The following CLEC1A variants were observed in gnomAD, a reference collection of about 807,000 sequenced individuals.
CLEC1A encodes C-type lectin-like receptor-1.
In CLEC1A, 34 loss-of-function variants were observed where a neutral mutation model predicts 28.7. The ratio of observed to expected loss-of-function variants is 1.18; its 90% CI spans 0.90 to 1.57. The LOEUF (loss-of-function observed/expected upper bound fraction) is 1.57. Among genes scored for constraint, CLEC1A ranks in the 40% most tolerant of loss-of-function variants. CLEC1A has a pLI of 0.00. For synonymous variants in CLEC1A, 116 were observed against 121.0 expected, an observed-to-expected ratio of 0.96 and a Z score of 0.27; for missense variants, 385 against 339.5, an observed-to-expected ratio of 1.13 and a Z score of -1.05.
intron 3 of CLEC1A, among the ~76,000 whole-genome samples, chr12:10,079,589 G>A (rs1866323819): frequency 6.6e-6 from 1 of 152,032 alleles, no homozygotes; most frequent in Non-Finnish European, 1.5e-5. Context: ...GGGAGGCTGA[G>A]GCGGGCAGAT....
chr12:10,075,336 T>G (rs1460589465), intron 4 of CLEC1A, among the ~76,000 whole-genome samples, 168 bp downstream of exon 4: 1 of 152,198 alleles, frequency 6.6e-6, no homozygotes, highest in Non-Finnish European at 1.5e-5. Flanking sequence ...ACTCCTTCTA[T>G]CTACTTCAGG....
At chr12:10,076,411 G>A (rs1020932746) in intron 3 of CLEC1A, among the ~76,000 whole-genome samples, 1 of 152,010 alleles carries the variant, frequency 6.6e-6, no homozygotes, top group African/African-American at 2.4e-5. Flanking sequence ...CTAATACACA[G>A]GTAGGTGTTA....
intron 3 of CLEC1A, among the ~76,000 whole-genome samples, chr12:10,075,994 A>G (rs374886332): frequency 2.0e-5 from 3 of 152,210 alleles, no homozygotes; most frequent in South Asian, 2.1e-4. Context: ...AGAAACTCCA[A>G]CTGCATTGTG....
Position 10,069,729 on chromosome 12 carries a change from A to G in CLEC1A, c.*1604T>C, listed in dbSNP as rs2137320823. ...TAACCACAAATACAGTTTTCTTTGC[A>G]TGACACAATATATCAACAGAACTTG... On this transcript the variant is annotated 3_prime_UTR_variant, in exon 6 of 6. Coordinates refer to ENST00000315330, the MANE Select transcript of CLEC1A (RefSeq NM_016511.4). The G allele has an allele frequency of 6.6e-6, 1 of 152,362 alleles. No homozygotes were observed. Among genetic ancestry groups the G allele is most frequent in the East Asian group, 1.9e-4 (1 of 5,196 alleles). The allele number at this position is 152,362 out of a possible 1,614,324, so 9.4% of individuals were successfully genotyped here.
rs770900062 is a variant in CLEC1A at position 10,081,270 on chromosome 12, T to A, written c.358A>T (p.Lys120Ter). The A allele has an allele frequency of 1.2e-6, 2 of 1,610,598 alleles. No individual in the cohort carries two copies. The highest frequency in any genetic ancestry group is 3.4e-5 in the Admixed American group (2 of 59,600). The part of the protein sequence containing the change: ...LAGSLQHVAE[K>*]LCRELYNKAG... ...TTGTTATACAGCTCACGACAGAGTTTTTCAGCCACATGCTGCAGACTTCCT... is the reference window on the plus strand; with the variant it reads ...TTGTTATACAGCTCACGACAGAGTTATTCAGCCACATGCTGCAGACTTCCT... Residue 120 changes from lysine to a stop codon, truncating the protein, a stop_gained, in exon 3 of 6, where the codon AAA (lysine) becomes TAA (stop). Transcript: ENST00000315330. LOFTEE classifies it high-confidence loss of function.
chr12:10,088,226 G>A (rs1005370743), intron 2 of CLEC1A, among the ~76,000 whole-genome samples: 2 of 152,212 alleles, frequency 1.3e-5, no homozygotes, highest in Non-Finnish European at 2.9e-5. Context: ...AATCATAAGA[G>A]TTCCTCTATA....
intron 2 of CLEC1A, among the ~76,000 whole-genome samples, chr12:10,086,148 T>C (rs1866488485): frequency 1.3e-5 from 2 of 152,110 alleles, no homozygotes; most frequent in South Asian, 4.1e-4. Flanking sequence ...ACGATAATAT[T>C]GGTGACACAA....
intron 5 of CLEC1A, among the ~76,000 whole-genome samples, chr12:10,072,952 C>T (rs948319465): frequency 9.2e-5 from 14 of 152,146 alleles, no homozygotes; most frequent in Admixed American, 2.0e-4. Flanking sequence ...TAGTGGTGCA[C>T]GCCTGTAGTC....
In CLEC1A at chr12:10,098,961, T is replaced by A; in HGVS notation, c.-39A>T. On this transcript the variant is annotated 5_prime_UTR_variant, in exon 1 of 6. Coordinates refer to ENST00000315330, the MANE Select transcript of CLEC1A (RefSeq NM_016511.4). ...GCGGTGAGAGTGAAATGTGGTCGGA[T>A]TGCCCTGGGCCGCCGGGCTACTGTG... 6.7e-7 allele frequency: 1 copy of A among 1,499,422 alleles called. No individual in the cohort carries two copies. The highest frequency in any genetic ancestry group is 9.2e-7 in the Non-Finnish European group (1 of 1,086,968). 92.9% of individuals were successfully genotyped at this position (1,499,422 alleles called of 1,614,324 possible). A position where few individuals can be genotyped will look rare whatever the true frequency, so the allele number is the denominator to read the frequency against.
chr12:10,085,645 A>G (rs759653611), intron 2 of CLEC1A, among the ~76,000 whole-genome samples: 6 of 152,142 alleles, frequency 3.9e-5, no homozygotes, highest in Non-Finnish European at 8.8e-5. Flanking sequence ...TATGCACTTA[A>G]CATTGGAGAT....
intron 3 of CLEC1A, 139 bp downstream of exon 3, chr12:10,081,090 ACAACTGAT>A (rs1866358050): frequency 1.6e-6 from 1 of 613,904 alleles, no homozygotes; most frequent in African/African-American, 1.9e-5. Context: ...CATGATCCCA[ACAACTGAT>A]CATGATCTTG....
chr12:10,072,239 C>T (rs79867952), intron 5 of CLEC1A, among the ~76,000 whole-genome samples: 2,849 of 152,282 alleles, frequency 0.019, 90 homozygotes, highest in African/African-American at 0.065. Context: ...GCTTCGCCTT[C>T]TGCCATGAGT....
chr12:10,098,749 G>T, intron 1 of CLEC1A, 59 bp downstream of exon 1: 1 of 1,052,860 alleles, frequency 9.5e-7, no homozygotes, highest in Non-Finnish European at 1.4e-6. Context: ...AGGAGGGATA[G>T]ATCATCTCAC....
At chr12:10,081,555 C>G (rs1866371593) in intron 2 of CLEC1A, 142 bp from the exon 3 acceptor site, 1 of 359,210 alleles carries the variant, frequency 2.8e-6, no homozygotes, top group African/African-American at 5.0e-5. Context: ...AGTTTGGACT[C>G]TAGTACATAT....
intron 3 of CLEC1A, 121 bp from the exon 4 acceptor site, chr12:10,075,776 T>A: frequency 1.2e-6 from 1 of 817,120 alleles, no homozygotes; most frequent in Non-Finnish European, 1.9e-6. Context: ...TTTAATTAAT[T>A]ACCCAGGCAA....
intron 3 of CLEC1A, among the ~76,000 whole-genome samples, chr12:10,079,093 A>G (rs546755259): frequency 3.3e-5 from 5 of 152,326 alleles, no homozygotes; most frequent in Non-Finnish European, 7.4e-5. Flanking sequence ...ACAAACAGAC[A>G]AAGACATTAG....
chr12:10,079,885 A>G (rs1425917765), intron 3 of CLEC1A, among the ~76,000 whole-genome samples: 1 of 152,206 alleles, frequency 6.6e-6, no homozygotes, highest in Admixed American at 6.5e-5. Flanking sequence ...GTATCTTACT[A>G]TATTGCCTGG....
At chr12:10,072,326 T>C (rs1866151617) in intron 5 of CLEC1A, among the ~76,000 whole-genome samples, 1 of 152,206 alleles carries the variant, frequency 6.6e-6, no homozygotes, top group Admixed American at 6.5e-5. Context: ...TTAAACCTCC[T>C]TTCTTTATAA....
chr12:10,088,370 A>G (rs1286379385), intron 2 of CLEC1A, among the ~76,000 whole-genome samples: 1 of 152,128 alleles, frequency 6.6e-6, no homozygotes, highest in African/African-American at 2.4e-5. Flanking sequence ...TAAAATTCCT[A>G]TAAAACCCAA....
Sources: gnomAD v4.1 joint callset for allele counts (sites outside exome capture counted in the v4.1 genomes callset) on GRCh38, gnomAD v4.1.1 for gene constraint, MANE v1.5 for transcripts, NCBI Gene and HGNC (gene_info 2026-07-23, HGNC 2026-07-21) for gene names.